Variants in ZNF214 observed in about 807,000 individuals in gnomAD.
ZNF214 encodes the protein zinc finger protein 214, also known as BWSCR2-associated zinc finger protein 1.
In ZNF214, 43 loss-of-function variants were observed where a neutral mutation model predicts 53.9. The ratio of observed to expected loss-of-function variants is 0.80; its 90% CI spans 0.63 to 1.03. The LOEUF (loss-of-function observed/expected upper bound fraction) is 1.03, where lower values mean the gene tolerates loss of function less well. ZNF214 is among the 50% of genes least tolerant of loss of function. ZNF214 has a pLI of 0.00. For synonymous variants in ZNF214, 217 were observed against 229.5 expected (o/e 0.95, Z 0.49); for missense variants, 724 against 719.1 (o/e 1.01, Z -0.08).
chr11:7,001,089 T>C lies in ZNF214; in HGVS notation c.594A>G (p.Pro198=). The C allele has an allele frequency of 6.2e-7, 1 of 1,613,344 alleles. No homozygotes were observed. The highest frequency in any genetic ancestry group is 8.5e-7 in the Non-Finnish European group (1 of 1,179,578). Residue 198 remains proline (P), a synonymous_variant, in exon 3 of 3, where the codon CCA becomes CCG. Transcript: ENST00000278314. ...HSYIPVEEAL[P]QYVGVICQED... ...CTTGACATATCACCCCAACATACTG[T>C]GGAAGGGCTTCCTCCACTGGGATAT...
chr11:7,001,082 C>T lies in ZNF214; in HGVS notation c.601G>A (p.Val201Ile). The T allele has an allele frequency of 6.2e-7, 1 of 1,613,382 alleles. No homozygotes were observed. The highest frequency in any genetic ancestry group is 8.5e-7 in the Non-Finnish European group (1 of 1,179,590). Residue 201 changes from valine (V) to isoleucine (I), a missense_variant, in exon 3 of 3, where the codon GTT becomes ATT. Physicochemically the swap from Val to Ile is conservative, Grantham distance 29. Transcript: ENST00000278314. The part of the protein sequence containing the change: ...IPVEEALPQY[V>I]GVICQEDLLR... ...AGGTCTTCTTGACATATCACCCCAA[C>T]ATACTGTGGAAGGGCTTCCTCCACT...
Position 7,000,694 on chromosome 11 carries a change from A to T in ZNF214, c.989T>A (p.Phe330Tyr). 1 of 1,603,464 alleles carries T rather than the reference A, an allele frequency of 6.2e-7. No homozygotes were observed. The highest frequency in any genetic ancestry group is 8.5e-7 in the Non-Finnish European group (1 of 1,176,818). ...GTCTTTATCACACTCAATTTTATAG[A>T]ATTTCTCTTCTGTGTGGACTCTTTG... is the stretch of plus-strand genomic sequence containing the variant. ...NHQRVHTEEK[F>Y]YKIECDKDLS... is the part of the protein sequence containing the mutation. Residue 330 changes from phenylalanine to tyrosine, a missense_variant, in exon 3 of 3, where the codon TTC becomes TAC. Coordinates refer to ENST00000278314, the MANE Select transcript of ZNF214 (RefSeq NM_013249.4).
At chr11:7,003,806 A>G (rs1332735695) in intron 1 of ZNF214, among the ~76,000 whole-genome samples, 2 of 152,108 alleles carry the variant, frequency 1.3e-5, no homozygotes, top group East Asian at 1.9e-4. Flanking sequence ...ATGTCTAAAC[A>G]ATAAAACATT....
chr11:7,004,494 A>G (rs1035965406), intron 1 of ZNF214, among the ~76,000 whole-genome samples: 7 of 152,072 alleles, frequency 4.6e-5, no homozygotes, highest in African/African-American at 1.7e-4. Context: ...GTGAAGCCTA[A>G]TTCCCCACCC....
At chr11:7,016,682 A>AAAGGTAGC (rs1851778107) in intron 1 of ZNF214, among the ~76,000 whole-genome samples, 1 of 152,222 alleles carries the variant, frequency 6.6e-6, no homozygotes, top group Non-Finnish European at 1.5e-5. Context: ...TTGTATATGA[A>AAAGGTAGC]AAGGTAGCAC....
chr11:7,006,816 T>C lies in ZNF214; in HGVS notation c.-20-3961A>G, dbSNP rs553102834. 7.3e-5 allele frequency among the ~76,000 whole-genome samples: 11 copies of C among 151,590 alleles called. No homozygotes were observed. In the East Asian group the frequency reaches 1.2e-3, roughly 16 times the overall value. On this transcript the variant is annotated intron_variant, in intron 1 of 2. Transcript: ENST00000278314. ...TCTATATAGATTTCAATTTCACACA[T>C]AGTTTCTATTATTTTAATAAGTAAC... is the stretch of plus-strand genomic sequence containing the variant.
intron 1 of ZNF214, among the ~76,000 whole-genome samples, chr11:7,008,629 G>C (rs1203870390): frequency 6.6e-6 from 1 of 151,930 alleles, no homozygotes; most frequent in Non-Finnish European, 1.5e-5. Flanking sequence ...TCCAAATAAA[G>C]ACAGGAAGTC....
At chr11:7,018,896 G>A (rs1254068169) in intron 1 of ZNF214, among the ~76,000 whole-genome samples, 1 of 152,204 alleles carries the variant, frequency 6.6e-6, no homozygotes, top group Non-Finnish European at 1.5e-5. Flanking sequence ...AGTAAATGTT[G>A]GGAAAAGACA....
At position 7,000,807 on chromosome 11, in the gene ZNF214, A is replaced by G. The variant is rs12575236; in HGVS notation, c.876T>C (p.Phe292=). The stretch of plus-strand genomic sequence containing the variant: ...CCTCCCCTATGTGAACTCTCTGATG[A>G]AAGTGAACTCCGGAGCTCTGATGAA... ...GNFHQSSGVH[F]HQRVHIGEVP... Residue 292 remains phenylalanine, a synonymous_variant, in exon 3 of 3, where the codon TTT becomes TTC. Transcript: ENST00000278314. 0.23 allele frequency: 368,662 copies of G among 1,610,860 alleles called. 44,158 individuals carry two copies. Among genetic ancestry groups the G allele is most frequent in the South Asian group, 0.3 (27,547 of 90,910 alleles).
chr11:7,015,360 T>G (rs1052544958), intron 1 of ZNF214, among the ~76,000 whole-genome samples: 6 of 152,100 alleles, frequency 3.9e-5, no homozygotes, highest in Admixed American at 3.9e-4. Context: ...GGCGGATCAC[T>G]TCAGGTCAGG....
At chr11:7,013,797 G>A (rs1003561816) in intron 1 of ZNF214, among the ~76,000 whole-genome samples, 2 of 152,158 alleles carry the variant, frequency 1.3e-5, no homozygotes, top group East Asian at 3.8e-4. Context: ...TAATACCAAA[G>A]CATATTATAT....
At chr11:7,008,652 T>C (rs1359639727) in intron 1 of ZNF214, among the ~76,000 whole-genome samples, 2 of 152,112 alleles carry the variant, frequency 1.3e-5, no homozygotes, top group Non-Finnish European at 2.9e-5. Flanking sequence ...ACTATCTCTG[T>C]TTGCAGATGA....
At chr11:7,007,602 A>G (rs914280367) in intron 1 of ZNF214, among the ~76,000 whole-genome samples, 1 of 151,954 alleles carries the variant, frequency 6.6e-6, no homozygotes, top group African/African-American at 2.4e-5. Context: ...ATCCACAGAT[A>G]AAATTTCAAA....
chr11:7,013,602 A>G (rs751865973), intron 1 of ZNF214, among the ~76,000 whole-genome samples: 4 of 152,154 alleles, frequency 2.6e-5, no homozygotes, highest in Admixed American at 1.3e-4. Context: ...GGGCTCCCAG[A>G]GCTTGGGGCC....
intron 1 of ZNF214, among the ~76,000 whole-genome samples, chr11:7,011,771 A>G (rs10839685): frequency 0.62 from 92,971 of 151,076 alleles, 29,768 homozygotes; most frequent in East Asian, 0.86. Flanking sequence ...AGTATACAAT[A>G]AACTATAAAT....
Position 6,999,972 on chromosome 11 carries a change from T to G in ZNF214, c.1711A>C (p.Ile571Leu), listed in dbSNP as rs528803707. ...TCTCCTGCATGGACTCTTTGATGAA[T>G]TCGAAGAGCTGAGCTATGACTGAAA... is the stretch of plus-strand genomic sequence containing the variant. ...KGFSHSSALR[I>L]HQRVHAGEKP... The change falls in exon 3 of 3, where the codon ATT (isoleucine) becomes CTT (leucine). Residue 571 changes from isoleucine to leucine, a missense_variant. Transcript: ENST00000278314. 1.1e-5 allele frequency: 18 copies of G among 1,613,240 alleles called. No individual in the cohort carries two copies. The East Asian group carries it at 4.0e-4, about 36-fold the overall frequency.
At chr11:7,013,264 C>T (rs556564208) in intron 1 of ZNF214, among the ~76,000 whole-genome samples, 155 of 152,298 alleles carry the variant, frequency 1.0e-3, no homozygotes, top group Middle Eastern at 3.4e-3. Flanking sequence ...GGGTGGGACA[C>T]AGACCCCACC....
Position 6,999,697 on chromosome 11 carries a change from A to G in ZNF214, c.*165T>C. 5.8e-6 allele frequency: 4 copies of G among 691,616 alleles called. No homozygotes were observed. Among genetic ancestry groups the G allele is most frequent in the Admixed American group, 3.3e-5 (1 of 29,864 alleles). 42.8% of individuals were successfully genotyped at this position (691,616 alleles called of 1,614,324 possible). ...ATTTTAAATATATAGGGTTTTTTCTAAAGATCTCCTTTTGAAGCAAATAAT... is the reference window on the plus strand; with the variant it reads ...ATTTTAAATATATAGGGTTTTTTCTGAAGATCTCCTTTTGAAGCAAATAAT... On this transcript the variant is annotated 3_prime_UTR_variant, in exon 3 of 3. Transcript: ENST00000278314.
At chr11:7,016,244 A>G (rs969192757) in intron 1 of ZNF214, among the ~76,000 whole-genome samples, 19 of 152,174 alleles carry the variant, frequency 1.2e-4, no homozygotes, top group African/African-American at 4.6e-4. Flanking sequence ...TTTCTCCACT[A>G]TAAAGATGAA....
Sources: gnomAD v4.1 joint callset for allele counts (sites outside exome capture counted in the v4.1 genomes callset) on GRCh38, gnomAD v4.1.1 for gene constraint, MANE v1.5 for transcripts, NCBI Gene and HGNC (gene_info 2026-07-23, HGNC 2026-07-21) for gene names.